The following ASH1L variants were observed in gnomAD, a reference collection of about 807,000 sequenced individuals.
ASH1L encodes the protein histone-lysine N-methyltransferase ASH1L.
Under a neutral mutation model 269.0 loss-of-function variants are expected in ASH1L, and 23 were observed. That is an observed-to-expected ratio of 0.09 (90% CI 0.06 to 0.12). The LOEUF is 0.12. Among genes scored for constraint, ASH1L ranks in the 10% least tolerant of loss-of-function variants. The pLI is 1.00. For missense variants in ASH1L, 2,912 were observed against 3,567.8 expected, an observed-to-expected ratio of 0.82 and a Z score of 4.68; for synonymous variants, 1,187 against 1,253.5, an observed-to-expected ratio of 0.95 and a Z score of 1.12.
intron 2 of ASH1L, among the ~76,000 whole-genome samples, chr1:155,482,732 G>A (rs909409861): frequency 1.3e-5 from 2 of 152,074 alleles, no homozygotes; most frequent in South Asian, 4.1e-4. Context: ...TTTTTAAATG[G>A]CAAATCAATA....
intron 3 of ASH1L, among the ~76,000 whole-genome samples, chr1:155,473,123 C>T (rs1665233876): frequency 1.1e-4 from 16 of 152,144 alleles, no homozygotes; most frequent in Admixed American, 1.0e-3. Context: ...TTTTAAAGCA[C>T]ATAAATATTT....
intron 3 of ASH1L, among the ~76,000 whole-genome samples, chr1:155,471,878 T>C (rs976913571): frequency 6.6e-6 from 1 of 152,232 alleles, no homozygotes; most frequent in South Asian, 2.1e-4. Flanking sequence ...CTTCACTAGC[T>C]TCAGGTAATT....
At chr1:155,341,384 GC>G (rs1652795158) in intron 25 of ASH1L, among the ~76,000 whole-genome samples, 1 of 152,222 alleles carries the variant, frequency 6.6e-6, no homozygotes, top group South Asian at 2.1e-4. Flanking sequence ...CACCGTGTTA[GC>G]CAGGATGGTC....
At chr1:155,378,169 T>C in intron 10 of ASH1L, 112 bp downstream of exon 10, 1 of 747,788 alleles carries the variant, frequency 1.3e-6, no homozygotes, top group South Asian at 1.9e-5. Flanking sequence ...TATATATCTT[T>C]GTGCAACTTC....
chr1:155,365,491 G>A (rs1036176878), intron 12 of ASH1L, among the ~76,000 whole-genome samples: 1 of 151,308 alleles, frequency 6.6e-6, no homozygotes, highest in Non-Finnish European at 1.5e-5. Context: ...CCAAAGTGCT[G>A]GGATTACAGG....
rs1466028599 is a variant in ASH1L at position 155,479,553 on chromosome 1, G to A, written c.3317C>T (p.Pro1106Leu). The A allele has an allele frequency of 3.1e-6, 5 of 1,614,050 alleles. No homozygotes were observed. Among genetic ancestry groups the A allele is most frequent in the Admixed American group, 3.3e-5 (2 of 60,000 alleles). The change falls in exon 3 of 28, where the codon CCT (proline) becomes CTT (leucine). Residue 1106 changes from proline to leucine, a missense_variant. By Grantham distance (98) the Pro-to-Leu change is moderately conservative. Transcript: ENST00000392403. ...AGTCCCAGAAGACTGAGAGCAAATA[G>A]GTGATGGAAGAATCTCAGAACTACT... ...SASSSEILPSPICSQSSGTSG... is the reference protein window; with the variant it reads ...SASSSEILPSLICSQSSGTSG...
At chr1:155,368,995 G>A (rs1655684305) in intron 12 of ASH1L, among the ~76,000 whole-genome samples, 1 of 152,152 alleles carries the variant, frequency 6.6e-6, no homozygotes. Flanking sequence ...CTCATCTGTG[G>A]CAATGGAAAT....
chr1:155,420,036 A>G (rs1378269074), intron 5 of ASH1L, among the ~76,000 whole-genome samples: 1 of 152,176 alleles, frequency 6.6e-6, no homozygotes, highest in Non-Finnish European at 1.5e-5. Flanking sequence ...GTAGAATAGT[A>G]GCCAGGCAGG....
At chr1:155,434,198 C>T in intron 5 of ASH1L, 2 of 1,595,406 alleles carry the variant, frequency 1.3e-6, no homozygotes, top group Middle Eastern at 3.5e-4. Flanking sequence ...GGTCCCTTTC[C>T]CTGAGGGGGA....
chr1:155,456,854 A>G (rs1663899806), intron 4 of ASH1L, among the ~76,000 whole-genome samples: 1 of 152,176 alleles, frequency 6.6e-6, no homozygotes, highest in Non-Finnish European at 1.5e-5. Flanking sequence ...AGACTATAAT[A>G]TTACTTACAA....
chr1:155,380,968 C>T (rs1656888874), intron 7 of ASH1L, among the ~76,000 whole-genome samples: 1 of 151,938 alleles, frequency 6.6e-6, no homozygotes, highest in South Asian at 2.1e-4. Flanking sequence ...TACATATAGT[C>T]ATGTGCCAAT....
chr1:155,478,491 A>T lies in ASH1L; in HGVS notation c.4379T>A (p.Leu1460His), dbSNP rs747175311. 6 of 1,613,994 alleles carry T rather than the reference A, an allele frequency of 3.7e-6. No homozygotes were observed. Among genetic ancestry groups the T allele is most frequent in the African/African-American group, 1.3e-5 (1 of 74,912 alleles). The change falls in exon 3 of 28, where the codon CTC (leucine) becomes CAC (histidine). Residue 1460 changes from leucine to histidine, a missense_variant. Leu to His is a moderately conservative substitution (Grantham distance 99, BLOSUM62 -3). Transcript: ENST00000392403. The surrounding 1 kb of genome is among the most constrained non-coding windows in gnomAD (Gnocchi z 4.6). ...EAFLTTSRTP[L>H]LSMSTYPSVP... ...ACTGGGGTAGGTACTCATGGAAAGGAGGGGAGTCCTGCTGGTTGTAAGAAA... is the reference window on the plus strand; with the variant it reads ...ACTGGGGTAGGTACTCATGGAAAGGTGGGGAGTCCTGCTGGTTGTAAGAAA...
chr1:155,459,806 A>T lies in ASH1L; in HGVS notation c.5077T>A (p.Ser1693Thr), dbSNP rs976781374. The change falls in exon 4 of 28, where the codon TCT becomes ACT. Residue 1693 changes from serine (S) to threonine (T), a missense_variant. Ser to Thr is a moderately conservative substitution (Grantham distance 58). This residue lies in a region of ASH1L where 789 missense variants were observed against 897.6 expected (regional missense o/e 0.88). Transcript: ENST00000392403. ...AACAAATAGCACTAGCCTGTTGAAGAAGTACTCTCAGATGAAGACCTTTTC... is the reference window on the plus strand; with the variant it reads ...AACAAATAGCACTAGCCTGTTGAAGTAGTACTCTCAGATGAAGACCTTTTC... ...TRKRSSSESTSSTVNGVPSRS... is the reference protein window; with the variant it reads ...TRKRSSSESTTSTVNGVPSRS... The T allele has an allele frequency of 6.2e-7, 1 of 1,612,526 alleles. No homozygotes were observed. Among genetic ancestry groups the T allele is most frequent in the Non-Finnish European group, 8.5e-7 (1 of 1,178,936 alleles).
intron 3 of ASH1L, among the ~76,000 whole-genome samples, chr1:155,463,080 C>G (rs1391059471): frequency 6.6e-6 from 1 of 152,198 alleles, no homozygotes; most frequent in Admixed American, 6.5e-5. Context: ...AATCTGCAAA[C>G]ATCTGTAACA....
At chr1:155,407,005 CA>C (rs537318376) in intron 6 of ASH1L, among the ~76,000 whole-genome samples, 4 of 151,344 alleles carry the variant, frequency 2.6e-5, no homozygotes, top group South Asian at 2.1e-4. Flanking sequence ...GTATTACTTA[CA>C]AAAAAAAGGG....
intron 6 of ASH1L, among the ~76,000 whole-genome samples, chr1:155,411,582 A>ATATATATATATATATATATATATATAT (rs1659775685): frequency 2.1e-5 from 1 of 48,410 alleles, no homozygotes; most frequent in African/African-American, 8.0e-5. Context: ...TAAATAAATA[A>ATATATATATATATATATATATATATAT]ATAAATATAT....
intron 4 of ASH1L, among the ~76,000 whole-genome samples, chr1:155,456,475 T>C (rs1206024890): frequency 1.3e-5 from 2 of 152,184 alleles, no homozygotes; most frequent in African/African-American, 4.8e-5. Flanking sequence ...TTCTGTGACA[T>C]ATACAGTTTG....
intron 1 of ASH1L, among the ~76,000 whole-genome samples, chr1:155,532,641 G>C (rs1571084269): frequency 6.6e-6 from 1 of 151,782 alleles, no homozygotes. Flanking sequence ...TGGCCAACAT[G>C]GTGAAACTCC....
intron 5 of ASH1L, among the ~76,000 whole-genome samples, chr1:155,436,655 C>A (rs1371123589): frequency 6.6e-6 from 1 of 151,684 alleles, no homozygotes; most frequent in Admixed American, 6.6e-5. Context: ...CACCACCACG[C>A]CTGGCTAATT....
Sources: allele counts gnomAD v4.1 joint callset (sites outside exome capture counted in the v4.1 genomes callset), GRCh38; gene constraint gnomAD v4.1.1; regional missense constraint gnomAD v4.1.1; non-coding constraint Gnocchi (gnomAD v3.1); transcripts MANE v1.5; gene names NCBI Gene and HGNC (gene_info 2026-07-23, HGNC 2026-07-21).